The following CATSPERE variants were observed in gnomAD, a reference collection of about 807,000 sequenced individuals.
CATSPERE encodes the protein catsper channel auxiliary subunit epsilon.
CATSPERE carries 93 observed loss-of-function variants against 114.1 expected under a neutral mutation model. The observed-to-expected ratio is 0.81, with a 90% CI of 0.69 to 0.97. The LOEUF (loss-of-function observed/expected upper bound fraction) is 0.97, where lower values mean the gene tolerates loss of function less well. Among genes scored for constraint, CATSPERE ranks in the 50% least tolerant of loss-of-function variants. CATSPERE has a pLI of 0.00. For synonymous variants in CATSPERE, 341 were observed against 384.1 expected, an observed-to-expected ratio of 0.89 and a Z score of 1.31; for missense variants, 1,058 against 1,131.6, an observed-to-expected ratio of 0.93 and a Z score of 0.93.
chr1:244,608,173 G>C (rs1279549999), intron 18 of CATSPERE, among the ~76,000 whole-genome samples: 1 of 152,056 alleles, frequency 6.6e-6, no homozygotes, highest in Non-Finnish European at 1.5e-5. Context: ...CCTGAGAGTT[G>C]GGGTGTATTA....
At chr1:244,459,223 C>T (rs1666432081), upstream of CATSPERE, among the ~76,000 whole-genome samples, 1 of 152,048 alleles carries the variant, frequency 6.6e-6, no homozygotes, top group African/African-American at 2.4e-5. Flanking sequence ...GGATTACAGG[C>T]ATGCATCACC....
intron 8 of CATSPERE, among the ~76,000 whole-genome samples, chr1:244,520,342 C>A (rs1422051815): frequency 6.6e-6 from 1 of 152,000 alleles, no homozygotes; most frequent in East Asian, 1.9e-4. Flanking sequence ...CAAATGGATT[C>A]TTTTCTTTCT....
At position 244,531,081 on chromosome 1, in the gene CATSPERE, T is replaced by A. The variant is rs113873055; in HGVS notation, c.536+12383T>A. On this transcript the variant is annotated intron_variant, in intron 8 of 21. Transcript: ENST00000366534. ...CATCTCTACTAAAAATAAAAAAAAT[T>A]TAAAAAAAGCCGGGTGTGGTGGCAT... 1.3e-3 allele frequency among the ~76,000 whole-genome samples: 152 copies of A among 118,206 alleles called. 2 individuals are homozygous for A. The highest frequency in any genetic ancestry group is 6.3e-3 in the African/African-American group (140 of 22,144). 77.5% of individuals were successfully genotyped at this position (118,206 alleles called of 152,430 possible). A position where few individuals can be genotyped will look rare whatever the true frequency, so the allele number is the denominator to read the frequency against.
At chr1:244,581,383 A>G (rs1666151450) in intron 11 of CATSPERE, among the ~76,000 whole-genome samples, 1 of 152,206 alleles carries the variant, frequency 6.6e-6, no homozygotes. Context: ...TGAATATTTT[A>G]GTATATACCT....
At position 244,572,325 on chromosome 1, in the gene CATSPERE, TCCAGA is replaced by T; in HGVS notation, c.1508-4_1508del. The T allele has an allele frequency of 1.5e-6, 2 of 1,346,530 alleles. No homozygotes were observed. The highest frequency in any genetic ancestry group is 3.0e-5 in the African/African-American group (2 of 67,674). The allele number at this position is 1,346,530 out of a possible 1,614,324, so 83.4% of individuals were successfully genotyped here. ...GACTAACACAAACTTTTCTCTTTTT[TCCAGA>T]TTATTATGGAGATATTTTGGTAAAA... On this transcript the variant is annotated splice_acceptor_variant and splice_polypyrimidine_tract_variant and coding_sequence_variant and intron_variant, in exon 11 of 22. Transcript: ENST00000366534. LOFTEE classifies it high-confidence loss of function.
At chr1:244,591,199 G>A (rs10927274) in intron 14 of CATSPERE, among the ~76,000 whole-genome samples, 27,050 of 152,000 alleles carry the variant, frequency 0.18, 3,359 homozygotes, top group East Asian at 0.39. Flanking sequence ...AAAATACATT[G>A]TGGACTGACT....
rs182071347 is a variant in CATSPERE at position 244,498,767 on chromosome 1, G to A, written c.352-235G>A. On this transcript the variant is annotated intron_variant, in intron 6 of 21. Transcript: ENST00000366534. The stretch of plus-strand genomic sequence containing the variant: ...ACAAAAATTAGCCAGGCATGGTGGT[G>A]GGCGCCTGTAATCCCAGCTACTCGG... Among the ~76,000 whole-genome samples the A allele has an allele frequency of 5.3e-3, 810 of 152,130 alleles. 10 individuals are homozygous for A. The highest frequency in any genetic ancestry group is 0.019 in the African/African-American group (779 of 41,500).
intron 20 of CATSPERE, among the ~76,000 whole-genome samples, chr1:244,619,026 G>C (rs1292667739): frequency 6.6e-6 from 1 of 152,172 alleles, no homozygotes; most frequent in Non-Finnish European, 1.5e-5. Flanking sequence ...ATAGGTAATG[G>C]GGTGGTTTTT....
upstream of CATSPERE, among the ~76,000 whole-genome samples, chr1:244,456,396 G>A (rs1666168120): frequency 6.6e-6 from 1 of 151,972 alleles, no homozygotes; most frequent in African/African-American, 2.4e-5. Context: ...AATCTTACAG[G>A]TGCTGAATCT....
chr1:244,481,265 T>A (rs1409831664), intron 5 of CATSPERE, among the ~76,000 whole-genome samples: 2 of 152,028 alleles, frequency 1.3e-5, no homozygotes, highest in Non-Finnish European at 2.9e-5. Context: ...CTGGCCAACA[T>A]GGTGAAATCC....
intron 15 of CATSPERE, 67 bp downstream of exon 15, chr1:244,591,798 A>G (rs1667753864): frequency 2.1e-6 from 2 of 962,516 alleles, no homozygotes; most frequent in Admixed American, 2.3e-5. Flanking sequence ...TACAATCAGT[A>G]CTTATTCAGT....
intron 10 of CATSPERE, among the ~76,000 whole-genome samples, chr1:244,569,988 T>C (rs1269150427): frequency 6.6e-6 from 1 of 152,220 alleles, no homozygotes; most frequent in East Asian, 1.9e-4. Context: ...TTTCTGTTTT[T>C]TCATGAATAT....
chr1:244,599,283 A>T lies in CATSPERE; in HGVS notation c.2303+5705A>T, dbSNP rs1249156275. Among the ~76,000 whole-genome samples the T allele has an allele frequency of 2.0e-5, 3 of 152,260 alleles. No homozygotes were observed. In the East Asian group the frequency reaches 5.8e-4, roughly 29 times the overall value. On this transcript the variant is annotated intron_variant, in intron 17 of 21. Transcript: ENST00000366534. ...TTTGCACTTAGATGTCAATAGATAT[A>T]TCAAACGTAACCTGTCCAAAACTGA...
At chr1:244,591,615 G>T in intron 14 of CATSPERE, 66 bp from the exon 15 acceptor site, 1 of 934,214 alleles carries the variant, frequency 1.1e-6, no homozygotes, top group South Asian at 1.5e-5. Flanking sequence ...TGAGTTAAAT[G>T]ATTAAATGTT....
At chr1:244,602,023 T>C (rs1453106902) in intron 17 of CATSPERE, among the ~76,000 whole-genome samples, 1 of 149,328 alleles carries the variant, frequency 6.7e-6, no homozygotes, top group Non-Finnish European at 1.5e-5. Context: ...GAAGGAGGAA[T>C]TGGGGAACTG....
At chr1:244,465,610 A>G (rs1410108121) in intron 2 of CATSPERE, among the ~76,000 whole-genome samples, 1 of 152,184 alleles carries the variant, frequency 6.6e-6, no homozygotes, top group Non-Finnish European at 1.5e-5. Flanking sequence ...CCTGGTGCCA[A>G]TTCTACACTC....
intron 17 of CATSPERE, among the ~76,000 whole-genome samples, 172 bp downstream of exon 17, chr1:244,593,750 G>GCATGTTGAGGGACAT (rs1668025589): frequency 6.6e-6 from 1 of 152,186 alleles, no homozygotes; most frequent in Admixed American, 6.5e-5. Flanking sequence ...GATGGTCCCT[G>GCATGTTGAGGGACAT]CATGTTGAGG....
At chr1:244,570,717 G>A (rs1664306801) in intron 10 of CATSPERE, among the ~76,000 whole-genome samples, 1 of 152,220 alleles carries the variant, frequency 6.6e-6, no homozygotes, top group Admixed American at 6.5e-5. Flanking sequence ...CAAATATTGG[G>A]AACATCAATC....
chr1:244,455,793 G>A (rs988995531), intron 1 of CATSPERE, among the ~76,000 whole-genome samples: 51 of 151,712 alleles, frequency 3.4e-4, no homozygotes, highest in Non-Finnish European at 3.4e-4. Flanking sequence ...CACAGACCCC[G>A]TTTTGGAAAA....
Sources: gnomAD v4.1 joint callset for allele counts (sites outside exome capture counted in the v4.1 genomes callset) on GRCh38, gnomAD v4.1.1 for gene constraint, MANE v1.5 for transcripts, NCBI Gene and HGNC (gene_info 2026-07-23, HGNC 2026-07-21) for gene names.